Variants in VPS33A observed in about 807,000 individuals in gnomAD.
VPS33A encodes the protein VPS33A core subunit of CORVET and HOPS complexes.
VPS33A carries 32 observed loss-of-function variants against 71.8 expected under a neutral mutation model. That is an observed-to-expected ratio of 0.45 (90% CI 0.34 to 0.60). VPS33A has a LOEUF of 0.60. Among genes scored for constraint, VPS33A ranks in the 20% least tolerant of loss-of-function variants. The probability of loss-of-function intolerance (pLI) is 0.02; values close to 1 mark genes in which losing one functional copy is unlikely to be tolerated. For synonymous variants in VPS33A, 311 were observed against 292.7 expected, an observed-to-expected ratio of 1.06 and a Z score of -0.64; for missense variants, 625 against 748.5, an observed-to-expected ratio of 0.84 and a Z score of 1.92.
intron 10 of VPS33A, 41 bp from the exon 11 acceptor site, chr12:122,235,964 A>C: frequency 1.3e-6 from 2 of 1,565,296 alleles, no homozygotes. Flanking sequence ...AGATCAGGAA[A>C]AGGATTTCTG....
intron 4 of VPS33A, among the ~76,000 whole-genome samples, chr12:122,257,890 A>G (rs1257000156): frequency 1.3e-5 from 2 of 152,170 alleles, no homozygotes; most frequent in African/African-American, 2.4e-5. Flanking sequence ...AAACAGAACT[A>G]AAAGACCAAA....
At chr12:122,254,087 C>A (rs1474620863) in intron 4 of VPS33A, among the ~76,000 whole-genome samples, 1 of 152,094 alleles carries the variant, frequency 6.6e-6, no homozygotes, top group Non-Finnish European at 1.5e-5. Context: ...TTTATATATG[C>A]TGATTTTTAT....
intron 4 of VPS33A, among the ~76,000 whole-genome samples, chr12:122,251,789 G>C (rs1954847493): frequency 6.6e-6 from 1 of 151,820 alleles, no homozygotes; most frequent in South Asian, 2.1e-4. Context: ...TGGGGGAAGG[G>C]GGGAGGGATA....
chr12:122,252,152 G>A (rs1188223039), intron 4 of VPS33A, among the ~76,000 whole-genome samples: 1 of 152,252 alleles, frequency 6.6e-6, no homozygotes, highest in South Asian at 2.1e-4. Flanking sequence ...AGCTACTCAG[G>A]AGGGTAAGGC....
chr12:122,258,966 G>GA lies in VPS33A; in HGVS notation c.483+2294dup, dbSNP rs942434249. On this transcript the variant is annotated intron_variant, in intron 4 of 12. Transcript: ENST00000267199. Reference sequence around the variant, plus strand: ...CGCACCACTGTACTCCAGGCTGGGTGACAAAGTGACAATCCATCTCAAAAA... The same window carrying GA: ...CGCACCACTGTACTCCAGGCTGGGTGAACAAAGTGACAATCCATCTCAAAAA... Among the ~76,000 whole-genome samples, 9 of 122,602 alleles carry GA rather than the reference G, an allele frequency of 7.3e-5. No homozygotes were observed. In the East Asian group the frequency reaches 1.2e-3, roughly 17 times the overall value. 80.4% of individuals were successfully genotyped at this position (122,602 alleles called of 152,430 possible). A position where few individuals can be genotyped will look rare whatever the true frequency, so the allele number is the denominator to read the frequency against.
intron 10 of VPS33A, 117 bp from the exon 11 acceptor site, chr12:122,236,040 G>C (rs1024521924): frequency 3.9e-6 from 5 of 1,291,472 alleles, no homozygotes; most frequent in East Asian, 2.5e-5. Context: ...TGTTACCAAA[G>C]TCCAGCAATG....
chr12:122,265,496 G>T, intron 1 of VPS33A: 1 of 223,686 alleles, frequency 4.5e-6, no homozygotes, highest in Non-Finnish European at 9.9e-6. Context: ...TCCTCCAGGG[G>T]TAACATATTA....
chr12:122,237,534 C>CT (rs59918502), intron 10 of VPS33A, among the ~76,000 whole-genome samples: 18,873 of 111,726 alleles, frequency 0.17, 3,377 homozygotes, highest in African/African-American at 0.47. Context: ...TAAAGTTTTT[C>CT]TTTTTTTTTT....
Position 122,261,267 on chromosome 12 carries a change from T to G in VPS33A, c.477A>C (p.Ala159=), listed in dbSNP as rs572779301. 60 of 1,597,622 alleles carry G rather than the reference T, an allele frequency of 3.8e-5. No individual in the cohort carries two copies. Among genetic ancestry groups the G allele is most frequent in the East Asian group, 1.3e-4 (6 of 44,736 alleles). ...GDLLSMESEG[A]FKECYLEGDQ... is the part of the protein sequence containing the mutation. ...AAGGAAATGCCAAACTTACTTTGAA[T>G]GCACCCTCTGATTCCATGGATAAGA... Residue 159 remains alanine, a synonymous_variant, in exon 4 of 13, where the codon GCA becomes GCC. Transcript: ENST00000267199.
chr12:122,241,989 C>A (rs1954721743), intron 8 of VPS33A, among the ~76,000 whole-genome samples: 1 of 151,930 alleles, frequency 6.6e-6, no homozygotes, highest in Non-Finnish European at 1.5e-5. Flanking sequence ...CTCACTGCAA[C>A]CTCCGCCTTC....
chr12:122,256,436 T>A (rs1053135262), intron 4 of VPS33A, among the ~76,000 whole-genome samples: 4 of 151,878 alleles, frequency 2.6e-5, no homozygotes, highest in African/African-American at 9.7e-5. Context: ...TAGCCTGGCG[T>A]GGTGGCGCGT....
intron 4 of VPS33A, among the ~76,000 whole-genome samples, chr12:122,258,210 T>A (rs1211129225): frequency 6.6e-6 from 1 of 151,896 alleles, no homozygotes; most frequent in African/African-American, 2.4e-5. Flanking sequence ...GGCAACATAG[T>A]GAGACCTGTC....
At chr12:122,259,195 A>G (rs796617230) in intron 4 of VPS33A, among the ~76,000 whole-genome samples, 64 of 116,954 alleles carry the variant, frequency 5.5e-4, no homozygotes, top group African/African-American at 1.9e-3. Flanking sequence ...GTGTGTATGT[A>G]TGTATGTATG....
chr12:122,244,538 G>A (rs375483400), intron 7 of VPS33A, 31 bp downstream of exon 7: 11 of 1,563,768 alleles, frequency 7.0e-6, no homozygotes, highest in Admixed American at 1.7e-5. Flanking sequence ...GAGGCCTAGA[G>A]TTGCAGAATG....
At chr12:122,236,373 C>T (rs140342460) in intron 10 of VPS33A, among the ~76,000 whole-genome samples, 2 of 152,142 alleles carry the variant, frequency 1.3e-5, no homozygotes, top group Non-Finnish European at 2.9e-5. Flanking sequence ...GGCATGCTGG[C>T]TCACACCTGT....
chr12:122,246,678 C>T (rs746088252), intron 6 of VPS33A, among the ~76,000 whole-genome samples: 3 of 152,074 alleles, frequency 2.0e-5, no homozygotes, highest in Admixed American at 6.6e-5. Flanking sequence ...CGGCTCACTG[C>T]AACCTCCACC....
chr12:122,261,537 A>G (rs1954995537), intron 3 of VPS33A, 90 bp from the exon 4 acceptor site: 6 of 1,214,048 alleles, frequency 4.9e-6, no homozygotes, highest in Admixed American at 2.1e-5. Flanking sequence ...GGCACATAGC[A>G]GGCACTAAAT....
At chr12:122,234,970 C>T (rs780820797) in intron 11 of VPS33A, among the ~76,000 whole-genome samples, 9 of 152,184 alleles carry the variant, frequency 5.9e-5, no homozygotes, top group Non-Finnish European at 8.8e-5. Context: ...ACTGCACTGC[C>T]TCTCCACTCT....
intron 8 of VPS33A, among the ~76,000 whole-genome samples, chr12:122,241,406 G>C (rs566806538): frequency 4.9e-4 from 75 of 152,000 alleles, no homozygotes; most frequent in African/African-American, 1.8e-3. Flanking sequence ...CCCGGTTCAA[G>C]CAATTCTCCT....
Sources: gnomAD v4.1 joint callset for allele counts (sites outside exome capture counted in the v4.1 genomes callset) on GRCh38, gnomAD v4.1.1 for gene constraint, MANE v1.5 for transcripts, NCBI Gene and HGNC (gene_info 2026-07-23, HGNC 2026-07-21) for gene names.